PALS1: variants seen among roughly 807,000 people sequenced by gnomAD.
The protein encoded by PALS1 is protein PALS1.
Under a neutral mutation model 78.9 loss-of-function variants are expected in PALS1, and 31 were observed. That is an observed-to-expected ratio of 0.39 (90% confidence interval 0.30 to 0.53). The LOEUF is 0.53. Ranked by LOEUF, PALS1 falls within the 20% of genes least tolerant of loss-of-function variation. The pLI, the probability that PALS1 is intolerant of heterozygous loss-of-function variation, is 0.67. For missense variants in PALS1, 704 were observed against 826.5 expected (o/e 0.85, Z 1.82); for synonymous variants, 276 against 270.9 (o/e 1.02, Z -0.18).
chr14:67,323,495 G>A (rs1187237923), intron 13 of PALS1, among the ~76,000 whole-genome samples: 1 of 151,574 alleles, frequency 6.6e-6, no homozygotes, highest in Non-Finnish European at 1.5e-5. Context: ...CATGCCTATA[G>A]TCCTAGCTAC....
chr14:67,328,090 G>A (rs1289083748), intron 14 of PALS1, among the ~76,000 whole-genome samples: 1 of 152,146 alleles, frequency 6.6e-6, no homozygotes, highest in Non-Finnish European at 1.5e-5. Flanking sequence ...CTAGTTTACG[G>A]TCCCACCAAC....
At chr14:67,314,997 A>C (rs1045166451) in intron 9 of PALS1, among the ~76,000 whole-genome samples, 2 of 152,102 alleles carry the variant, frequency 1.3e-5, no homozygotes, top group Non-Finnish European at 2.9e-5. Context: ...AGTCCCAGCT[A>C]TTCAGGAGGC....
At chr14:67,279,661 G>A in intron 3 of PALS1, 124 bp downstream of exon 3, 1 of 974,996 alleles carries the variant, frequency 1.0e-6, no homozygotes, top group East Asian at 2.7e-5. Context: ...TCCAGACCAA[G>A]ATCCTTTGTT....
intron 8 of PALS1, among the ~76,000 whole-genome samples, chr14:67,308,283 T>TAAAAAAAA (rs2085036451): frequency 6.7e-6 from 1 of 149,770 alleles, no homozygotes. Context: ...ACCTAATACT[T>TAAAAAAAA]AGACAATAGA....
chr14:67,256,797 GACACACACACAC>G lies in PALS1; in HGVS notation c.-236-12888_-236-12877del, dbSNP rs10654145. Among the ~76,000 whole-genome samples, 4 of 147,786 alleles carry G rather than the reference GACACACACACAC, an allele frequency of 2.7e-5. No homozygotes were observed. The East Asian group carries it at 5.9e-4, about 22-fold the overall frequency. Reference sequence around the variant, plus strand: ...AGGACGAAGTGTTCCAGAAACTATTGACACACACACACACACACACACACACATGAAACTGAT... The same window carrying G: ...AGGACGAAGTGTTCCAGAAACTATTGACACACACACACACATGAAACTGAT... On this transcript the variant is annotated intron_variant, in intron 1 of 14. Transcript: ENST00000261681.
chr14:67,243,776 G>A (rs1387998912), intron 1 of PALS1, among the ~76,000 whole-genome samples: 3 of 152,116 alleles, frequency 2.0e-5, no homozygotes, highest in African/African-American at 4.8e-5. Flanking sequence ...GATTACAGGC[G>A]TGAGCCACCG....
intron 14 of PALS1, among the ~76,000 whole-genome samples, chr14:67,331,709 A>AT (rs1421525470): frequency 2.0e-5 from 3 of 152,210 alleles, no homozygotes; most frequent in Non-Finnish European, 4.4e-5. Context: ...CTTAAATTTG[A>AT]TAAAAACTAG....
rs2085506998 is a variant in PALS1, at chr14:67,334,931, AAACT to A, written c.*1977_*1980del. Reference sequence around the variant, plus strand: ...ACAACTGTTTTCAACTCCAAGAGCTAAACTATTGGCAGTTCATGTTAAGTTAGAG... The same window carrying A: ...ACAACTGTTTTCAACTCCAAGAGCTAATTGGCAGTTCATGTTAAGTTAGAG... On this transcript the variant is annotated 3_prime_UTR_variant, in exon 15 of 15. Transcript: ENST00000261681. 6.6e-6 allele frequency: 1 copy of A among 152,254 alleles called. No individual in the cohort carries two copies. Among genetic ancestry groups the A allele is most frequent in the African/African-American group, 2.4e-5 (1 of 41,472 alleles). The allele number at this position is 152,254 out of a possible 1,614,324, so 9.4% of individuals were successfully genotyped here. A position where few individuals can be genotyped will look rare whatever the true frequency, so the allele number is the denominator to read the frequency against.
chr14:67,280,284 C>T (rs942810059), intron 3 of PALS1, among the ~76,000 whole-genome samples: 3 of 152,194 alleles, frequency 2.0e-5, no homozygotes, highest in African/African-American at 7.2e-5. Context: ...CCTTCTTGCA[C>T]GTGCACATAC....
chr14:67,249,469 A>G (rs115198075), intron 1 of PALS1, among the ~76,000 whole-genome samples: 162 of 152,344 alleles, frequency 1.1e-3, no homozygotes, highest in African/African-American at 3.7e-3. Context: ...TCTGACACAT[A>G]GCAGATACTT....
intron 1 of PALS1, among the ~76,000 whole-genome samples, chr14:67,261,210 A>C (rs565743172): frequency 4.6e-4 from 70 of 152,316 alleles, no homozygotes; most frequent in Admixed American, 8.5e-4. Context: ...TTGTGGTGGT[A>C]GGAGTGCTTC....
intron 13 of PALS1, among the ~76,000 whole-genome samples, chr14:67,322,174 C>G (rs1175883461): frequency 6.6e-6 from 1 of 151,936 alleles, no homozygotes; most frequent in East Asian, 1.9e-4. Context: ...GGCAAAGCCC[C>G]ATCTCTACCA....
intron 14 of PALS1, among the ~76,000 whole-genome samples, chr14:67,330,925 T>A (rs967692321): frequency 2.6e-5 from 4 of 152,220 alleles, no homozygotes; most frequent in Admixed American, 6.5e-5. Context: ...TGGCCCAACA[T>A]CTGTTCTTTC....
intron 1 of PALS1, among the ~76,000 whole-genome samples, chr14:67,247,794 G>T (rs2084009065): frequency 6.6e-6 from 1 of 151,992 alleles, no homozygotes; most frequent in Non-Finnish European, 1.5e-5. Flanking sequence ...GCCCAGGCTG[G>T]TCTCAAATTC....
At chr14:67,245,431 T>C (rs2083972458) in intron 1 of PALS1, among the ~76,000 whole-genome samples, 1 of 152,224 alleles carries the variant, frequency 6.6e-6, no homozygotes, top group Admixed American at 6.5e-5. Flanking sequence ...TTGCCATCTG[T>C]TTATCTTTGG....
intron 8 of PALS1, among the ~76,000 whole-genome samples, chr14:67,303,822 C>T (rs573500811): frequency 1.1e-4 from 17 of 151,166 alleles, no homozygotes; most frequent in African/African-American, 3.9e-4. Context: ...GGGTAGAGTG[C>T]AGTGGTGTGA....
At chr14:67,269,886 G>C (rs973580888) in intron 2 of PALS1, 103 bp downstream of exon 2, 1 of 152,384 alleles carries the variant, frequency 6.6e-6, no homozygotes, top group Non-Finnish European at 1.5e-5. Context: ...GAGGAATGCT[G>C]ATCACTTAAA....
At chr14:67,322,478 C>A (rs1294611930) in intron 13 of PALS1, among the ~76,000 whole-genome samples, 3 of 152,192 alleles carry the variant, frequency 2.0e-5, no homozygotes, top group Non-Finnish European at 4.4e-5. Flanking sequence ...GTGGTAGAAT[C>A]TGCTGCTCAT....
Position 67,290,766 on chromosome 14 carries a change from C to G in PALS1, c.368-1745C>G, listed in dbSNP as rs141278105. On this transcript the variant is annotated intron_variant, in intron 3 of 14. Transcript: ENST00000261681. ...CCCAGGCTGGTCTCCACCTCCTGGACTCAAGCAGTCCACCTGCTTCAGTTT... is the reference window on the plus strand; with the variant it reads ...CCCAGGCTGGTCTCCACCTCCTGGAGTCAAGCAGTCCACCTGCTTCAGTTT... Among the ~76,000 whole-genome samples, 705 of 152,168 alleles carry G rather than the reference C, an allele frequency of 4.6e-3. 5 individuals are homozygous for G. The highest frequency in any genetic ancestry group is 0.016 in the African/African-American group (672 of 41,514).
Sources: gnomAD v4.1 joint callset for allele counts (sites outside exome capture counted in the v4.1 genomes callset) on GRCh38, gnomAD v4.1.1 for gene constraint, MANE v1.5 for transcripts, NCBI Gene and HGNC (gene_info 2026-07-23, HGNC 2026-07-21) for gene names.